GNG7: variants seen among roughly 807,000 people sequenced by gnomAD.
The protein encoded by GNG7 is guanine nucleotide-binding protein G(I)/G(S)/G(O) subunit gamma-7.
In GNG7, 1 loss-of-function variant was observed where a neutral mutation model predicts 4.0. The observed-to-expected ratio is 0.25, with a 90% CI of 0.09 to 1.18. The LOEUF (loss-of-function observed/expected upper bound fraction) is 1.18. Ranked by LOEUF, GNG7 falls within the 50% of genes most tolerant of loss-of-function variation. The pLI is 0.50. For synonymous variants in GNG7, 34 were observed against 36.9 expected (o/e 0.92, Z 0.29); for missense variants, 86 against 91.9 (o/e 0.94, Z 0.26).
At chr19:2,641,386 T>C (rs778889601) in intron 2 of GNG7, among the ~76,000 whole-genome samples, 1 of 152,148 alleles carries the variant, frequency 6.6e-6, no homozygotes, top group East Asian at 1.9e-4. Flanking sequence ...GATCGTGAGA[T>C]AGGATAGCAT....
chr19:2,571,449 A>T (rs1980142814), intron 2 of GNG7, among the ~76,000 whole-genome samples: 1 of 152,116 alleles, frequency 6.6e-6, no homozygotes, highest in East Asian at 1.9e-4. Context: ...AACCATCTCA[A>T]TCTGCCTGCA....
At chr19:2,600,929 C>T (rs1293410607) in intron 2 of GNG7, among the ~76,000 whole-genome samples, 1 of 152,034 alleles carries the variant, frequency 6.6e-6, no homozygotes, top group Non-Finnish European at 1.5e-5. Context: ...GGTAATAAAC[C>T]TGCTCAAGTC....
At chr19:2,584,490 G>GA (rs1453113806) in intron 2 of GNG7, among the ~76,000 whole-genome samples, 1 of 150,792 alleles carries the variant, frequency 6.6e-6, no homozygotes, top group African/African-American at 2.4e-5. Context: ...CCAGCTACTT[G>GA]GGAGGCTGAG....
rs1419061021 is a variant in GNG7, at chr19:2,651,278, C to T, written c.-134-4998G>A. Among the ~76,000 whole-genome samples, 169 of 105,972 alleles carry T rather than the reference C, an allele frequency of 1.6e-3. 1 individual carries two copies. The highest frequency in any genetic ancestry group is 5.4e-3 in the African/African-American group (126 of 23,160). The allele number at this position is 105,972 out of a possible 152,430, so 69.5% of individuals were successfully genotyped here. On this transcript the variant is annotated intron_variant, in intron 1 of 4. Transcript: ENST00000382159. ...CTTCCTTCCTTCCTTCCTTCCCTCCCTCCCTCCATCCCTCCCTCCCTACCT... is the reference window on the plus strand; with the variant it reads ...CTTCCTTCCTTCCTTCCTTCCCTCCTTCCCTCCATCCCTCCCTCCCTACCT...
At chr19:2,533,282 TA>T (rs1173730034) in intron 3 of GNG7, among the ~76,000 whole-genome samples, 4 of 150,456 alleles carry the variant, frequency 2.7e-5, no homozygotes, top group South Asian at 2.1e-4. Context: ...CTCTCAAAAA[TA>T]AAAAAAGTAA....
intron 4 of GNG7, among the ~76,000 whole-genome samples, chr19:2,517,237 G>A (rs1972748313): frequency 6.6e-6 from 1 of 152,104 alleles, no homozygotes; most frequent in South Asian, 2.1e-4. Context: ...GAATGCAGTG[G>A]TGCTATCATA....
intron 2 of GNG7, among the ~76,000 whole-genome samples, chr19:2,608,384 C>A (rs1191338734): frequency 4.6e-5 from 7 of 152,148 alleles, no homozygotes; most frequent in Admixed American, 3.9e-4. Context: ...GGGCTCTTCA[C>A]ACACACGGGA....
chr19:2,681,482 C>T (rs758978179), intron 1 of GNG7, among the ~76,000 whole-genome samples: 92 of 152,120 alleles, frequency 6.0e-4, no homozygotes, highest in Non-Finnish European at 1.2e-3. Flanking sequence ...CTCACCCAGC[C>T]GGTCTCCAAC....
chr19:2,642,982 A>C (rs1178830068), intron 2 of GNG7: 1 of 451,956 alleles, frequency 2.2e-6, no homozygotes, highest in Non-Finnish European at 4.4e-6. Context: ...CGAAATGCAA[A>C]GTCTGCGCCC....
intron 4 of GNG7, among the ~76,000 whole-genome samples, chr19:2,519,173 TAG>T (rs1212571791): frequency 2.4e-5 from 3 of 123,166 alleles, no homozygotes; most frequent in Admixed American, 8.9e-5. Flanking sequence ...TTTTTTGAGA[TAG>T]AGTCTCGCTC....
At chr19:2,528,825 C>A (rs736306) in intron 3 of GNG7, among the ~76,000 whole-genome samples, 24,854 of 152,218 alleles carry the variant, frequency 0.16, 2,584 homozygotes, top group South Asian at 0.25. Flanking sequence ...CCCCCAGGTT[C>A]CTGTGTGAGG....
chr19:2,624,760 G>A (rs1163615318), intron 2 of GNG7, among the ~76,000 whole-genome samples: 2 of 152,004 alleles, frequency 1.3e-5, no homozygotes, highest in Non-Finnish European at 2.9e-5. Context: ...AAGGAGGGAA[G>A]GAGGGAGGCT....
intron 3 of GNG7, among the ~76,000 whole-genome samples, chr19:2,544,380 C>G (rs1452415678): frequency 1.3e-5 from 2 of 152,156 alleles, no homozygotes; most frequent in Non-Finnish European, 2.9e-5. Context: ...CAGCCATGAG[C>G]ACCCCCGGGA....
At chr19:2,606,135 G>C (rs902394443) in intron 2 of GNG7, among the ~76,000 whole-genome samples, 2 of 152,062 alleles carry the variant, frequency 1.3e-5, no homozygotes, top group East Asian at 3.9e-4. Flanking sequence ...TCCCAGCACT[G>C]TGGGAGGCCG....
At chr19:2,673,692 T>TAA (rs61065013) in intron 1 of GNG7, among the ~76,000 whole-genome samples, 5 of 128,206 alleles carry the variant, frequency 3.9e-5, no homozygotes, top group Middle Eastern at 4.0e-3. Flanking sequence ...AGACTCCATC[T>TAA]AAAAAAAAAA....
At chr19:2,523,976 G>A (rs1225007154) in intron 3 of GNG7, among the ~76,000 whole-genome samples, 1 of 152,204 alleles carries the variant, frequency 6.6e-6, no homozygotes, top group Non-Finnish European at 1.5e-5. Context: ...TGATTCCAGA[G>A]AGCTTCAAAG....
intron 1 of GNG7, among the ~76,000 whole-genome samples, chr19:2,696,304 A>AAG (rs1568287857): frequency 7.9e-6 from 1 of 127,170 alleles, no homozygotes; most frequent in Non-Finnish European, 1.7e-5. Context: ...GAAAGAAAGA[A>AAG]AGAAAGAAAG....
chr19:2,540,363 G>A (rs185410998), intron 3 of GNG7, among the ~76,000 whole-genome samples: 203 of 148,448 alleles, frequency 1.4e-3, no homozygotes, highest in African/African-American at 4.6e-3. Flanking sequence ...TGTTGTCCAG[G>A]CTGGTTTTGA....
chr19:2,521,610 G>GGGTTT (rs1328267464), intron 3 of GNG7, among the ~76,000 whole-genome samples: 1 of 46,616 alleles, frequency 2.1e-5, no homozygotes, highest in African/African-American at 9.5e-5. Context: ...GTCCCCCTCC[G>GGGTTT]TGTTTTTTTT....
Sources: allele counts gnomAD v4.1 joint callset (sites outside exome capture counted in the v4.1 genomes callset), GRCh38; gene constraint gnomAD v4.1.1; transcripts MANE v1.5; gene names NCBI Gene and HGNC (gene_info 2026-07-23, HGNC 2026-07-21).